The following HOXD3 variants were observed in gnomAD, a reference collection of about 807,000 sequenced individuals.
HOXD3 encodes the protein homeobox D3.
A neutral mutation model predicts 32.8 loss-of-function variants in HOXD3; 13 were observed. The observed-to-expected ratio is 0.40, with a 90% confidence interval of 0.26 to 0.63. The LOEUF (loss-of-function observed/expected upper bound fraction) is 0.63. HOXD3 is among the 20% of genes least tolerant of loss of function. The pLI, the probability that HOXD3 is intolerant of heterozygous loss-of-function variation, is 0.44. For missense variants in HOXD3, 504 were observed against 577.1 expected (o/e 0.87, Z 1.30); for synonymous variants, 241 against 246.8 (o/e 0.98, Z 0.22).
Position 176,172,217 on chromosome 2 carries a change from G to T in HOXD3, c.1242G>T (p.Ser414=). 6.2e-7 allele frequency: 1 copy of T among 1,611,306 alleles called. No homozygotes were observed. The change falls in exon 4 of 4, where the codon TCG becomes TCT. Residue 414 remains serine (S), a synonymous_variant. Transcript: ENST00000683222. ...CDPHPTYTDL[S]AHHSSQGRLP... ...CTCATCCCACCTACACAGATCTCTC[G>T]GCCCACCACTCGTCTCAGGGACGAC...
Position 176,169,542 on chromosome 2 carries a change from C to T in HOXD3, c.428C>T (p.Pro143Leu), listed in dbSNP as rs1481684635. Residue 143 changes from proline to leucine, a missense_variant, in exon 3 of 4, where the codon CCC (proline) becomes CTC (leucine). Physicochemically the swap from Pro to Leu is moderately conservative, Grantham distance 98. Transcript: ENST00000683222. ...GGAGGTGGAGTGCCTGCCAAGAAGC[C>T]CAAAGGTGGGCCCAATGCTTCTAGC... ...NPGGGVPAKK[P>L]KGGPNASSSS... is the part of the protein sequence containing the mutation. 6.2e-7 allele frequency: 1 copy of T among 1,613,890 alleles called. No homozygotes were observed. The highest frequency in any genetic ancestry group is 1.3e-5 in the African/African-American group (1 of 74,870).
intron 1 of HOXD3, among the ~76,000 whole-genome samples, chr2:176,159,096 C>A (rs1269037793): frequency 6.6e-6 from 1 of 152,202 alleles, no homozygotes; most frequent in Non-Finnish European, 1.5e-5. Flanking sequence ...TGAACATATG[C>A]TCCGATTGAA....
At chr2:176,156,410 C>T (rs1333436304), upstream of HOXD3, among the ~76,000 whole-genome samples, 2 of 152,174 alleles carry the variant, frequency 1.3e-5, no homozygotes, top group Non-Finnish European at 2.9e-5. Context: ...TCTGCTGGGC[C>T]CGGGCCAGGC....
At chr2:176,171,060 T>TA (rs1311464423) in intron 3 of HOXD3, among the ~76,000 whole-genome samples, 2 of 152,196 alleles carry the variant, frequency 1.3e-5, no homozygotes, top group Non-Finnish European at 2.9e-5. Flanking sequence ...GGCCAGCTCC[T>TA]AAGCAAGGCA....
In HOXD3 at chr2:176,171,963, G is replaced by C. The variant is rs755289780; in HGVS notation, c.988G>C (p.Ala330Pro). The C allele has an allele frequency of 6.2e-7, 1 of 1,610,718 alleles. No individual in the cohort carries two copies. Among genetic ancestry groups the C allele is most frequent in the Non-Finnish European group, 8.5e-7 (1 of 1,179,464 alleles). ...SSCLPQQKRY[A>P]APEFEPHPMA... ...CTGCCTGCCACAACAGAAGCGCTAC[G>C]CAGCGCCGGAGTTCGAGCCCCATCC... Residue 330 changes from alanine to proline, a missense_variant, in exon 4 of 4, where the codon GCA (alanine) becomes CCA (proline). Physicochemically the swap from Ala to Pro is conservative, Grantham distance 27. Transcript: ENST00000683222.
upstream of HOXD3, chr2:176,153,121 G>C: frequency 1.9e-6 from 1 of 540,448 alleles, no homozygotes; most frequent in Non-Finnish European, 3.4e-6. Context: ...TCCCTAGAGC[G>C]GGATGGGGAT....
chr2:176,160,370 G>A (rs1690762184), intron 1 of HOXD3, among the ~76,000 whole-genome samples: 1 of 152,322 alleles, frequency 6.6e-6, no homozygotes, highest in South Asian at 2.1e-4. Flanking sequence ...TGTGGGGAGA[G>A]ACTCTCAACG....
chr2:176,161,819 C>T (rs1690814163), intron 1 of HOXD3, among the ~76,000 whole-genome samples: 1 of 152,204 alleles, frequency 6.6e-6, no homozygotes, highest in African/African-American at 2.4e-5. Flanking sequence ...GTCCTTCTCC[C>T]CAAAGAACCC....
intron 2 of HOXD3, among the ~76,000 whole-genome samples, chr2:176,167,357 G>A (rs1691004517): frequency 6.6e-6 from 1 of 152,126 alleles, no homozygotes; most frequent in African/African-American, 2.4e-5. Flanking sequence ...AAGTTATAAA[G>A]CATTCTCCAC....
chr2:176,172,537 AC>A lies in HOXD3; in HGVS notation c.*264del, dbSNP rs1574990326. On this transcript the variant is annotated 3_prime_UTR_variant, in exon 4 of 4. Coordinates refer to ENST00000683222, the MANE Select transcript of HOXD3 (RefSeq NM_006898.5). ...AGTGCCACATACTGCGGACCAAGGG[AC>A]TCCAATCTGGTAATGGTGTCCCAAA... The A allele has an allele frequency of 2.1e-6, 1 of 487,488 alleles. No homozygotes were observed. The highest frequency in any genetic ancestry group is 2.0e-5 in the African/African-American group (1 of 51,168). 30.2% of individuals were successfully genotyped at this position (487,488 alleles called of 1,614,324 possible). A position where few individuals can be genotyped will look rare whatever the true frequency, so the allele number is the denominator to read the frequency against.
intron 2 of HOXD3, chr2:176,165,862 C>T (rs1209516819): frequency 6.6e-6 from 1 of 152,148 alleles, no homozygotes; most frequent in Non-Finnish European, 1.5e-5. Context: ...AGATGAGCCA[C>T]TGAACAGTTG....
At chr2:176,157,698 G>GAGAGAC (rs755397327) in intron 1 of HOXD3, among the ~76,000 whole-genome samples, 6 of 152,176 alleles carry the variant, frequency 3.9e-5, no homozygotes, top group South Asian at 2.1e-4. Flanking sequence ...GTGAGAGAGG[G>GAGAGAC]AGAGACAGAG....
At chr2:176,167,015 T>C (rs948039187) in intron 2 of HOXD3, among the ~76,000 whole-genome samples, 2 of 152,138 alleles carry the variant, frequency 1.3e-5, no homozygotes, top group Non-Finnish European at 2.9e-5. Context: ...GAAAGACAGA[T>C]CAAGAATTGA....
chr2:176,163,518 G>A (rs546649776), intron 1 of HOXD3, among the ~76,000 whole-genome samples: 1 of 152,234 alleles, frequency 6.6e-6, no homozygotes, highest in East Asian at 1.9e-4. Flanking sequence ...ATAAACTCAG[G>A]GAAAGCATCT....
rs747486506 is a variant in HOXD3 at position 176,171,761 on chromosome 2, G to C, written c.786G>C (p.Pro262=). ...AGGCCAAGGGCATCCTGCACTCGCCGGCTAGCCAGTCCCCTGAGCGCAGCC... is the reference window on the plus strand; with the variant it reads ...AGGCCAAGGGCATCCTGCACTCGCCCGCTAGCCAGTCCCCTGAGCGCAGCC... The part of the protein sequence containing the change: ...DQKAKGILHS[P]ASQSPERSPP... The change falls in exon 4 of 4, where the codon CCG becomes CCC. Residue 262 remains proline (P), a synonymous_variant. Transcript: ENST00000683222. 1.2e-6 allele frequency: 2 copies of C among 1,613,766 alleles called. No homozygotes were observed. Among genetic ancestry groups the C allele is most frequent in the Admixed American group, 1.7e-5 (1 of 60,006 alleles).
chr2:176,153,127 G>C, upstream of HOXD3: 1 of 534,104 alleles, frequency 1.9e-6, no homozygotes, highest in South Asian at 2.0e-5. Context: ...GAGCGGGATG[G>C]GGATGGGAGG....
chr2:176,152,946 TG>T (rs1690574130), upstream of HOXD3: 1 of 1,613,576 alleles, frequency 6.2e-7, no homozygotes, highest in Non-Finnish European at 8.5e-7. The surrounding 1 kb of genome is among the most constrained non-coding windows in gnomAD (Gnocchi z 5.2). Context: ...CTTATAGAAG[TG>T]GGGACCCTGG....
chr2:176,172,287 G>A lies in HOXD3; in HGVS notation c.*13G>A, dbSNP rs1425371843. On this transcript the variant is annotated 3_prime_UTR_variant, in exon 4 of 4. Coordinates refer to ENST00000683222, the MANE Select transcript of HOXD3 (RefSeq NM_006898.5). ...GACGCATCTGTAGCGGCCGCCGCCA[G>A]CCCGAACTCGCGGCAAAATTACCTC... 2 of 1,576,838 alleles carry A rather than the reference G, an allele frequency of 1.3e-6. No homozygotes were observed. Among genetic ancestry groups the A allele is most frequent in the Non-Finnish European group, 1.7e-6 (2 of 1,165,670 alleles).
At chr2:176,167,051 T>C (rs1049711727) in intron 2 of HOXD3, among the ~76,000 whole-genome samples, 3 of 152,240 alleles carry the variant, frequency 2.0e-5, no homozygotes, top group African/African-American at 7.2e-5. Context: ...CTATGAGTTT[T>C]CTTTATCAAA....
Sources: gnomAD v4.1 joint callset for allele counts (sites outside exome capture counted in the v4.1 genomes callset) on GRCh38, gnomAD v4.1.1 for gene constraint, Gnocchi (gnomAD v3.1) non-coding constraint, MANE v1.5 for transcripts, NCBI Gene and HGNC (gene_info 2026-07-23, HGNC 2026-07-21) for gene names.